XRRA1: variants seen among roughly 807,000 people sequenced by gnomAD.
XRRA1 encodes X-ray radiation resistance associated 1, also known as X-ray radiation resistance-associated protein 1.
XRRA1 carries 69 observed loss-of-function variants against 80.2 expected under a neutral mutation model. That is an observed-to-expected ratio of 0.86 (90% CI 0.71 to 1.05). The LOEUF (loss-of-function observed/expected upper bound fraction) is 1.05, where lower values mean the gene tolerates loss of function less well. Ranked by LOEUF, XRRA1 falls within the 50% of genes least tolerant of loss-of-function variation. XRRA1 has a pLI of 0.00. For missense variants in XRRA1, 967 were observed against 976.4 expected (o/e 0.99, Z 0.13); for synonymous variants, 348 against 389.9 (o/e 0.89, Z 1.27).
rs1363351451 is a variant in XRRA1, at chr11:74,921,360, G to A, written c.523-13C>T. 1 of 1,613,798 alleles carries A rather than the reference G, an allele frequency of 6.2e-7. No individual in the cohort carries two copies. ...AAAGGTCCAAGAACTGCCATGCAAA[G>A]ATGAAAGATGGGGAAGGTAAGCACT... is the stretch of plus-strand genomic sequence containing the variant. On this transcript the variant is annotated splice_polypyrimidine_tract_variant and intron_variant, in intron 7 of 18. Coordinates refer to ENST00000684022, the MANE Select transcript of XRRA1 (RefSeq NM_001378157.1).
chr11:74,852,636 TTAAGAGAGACC>T (rs892589614), intron 12 of XRRA1, among the ~76,000 whole-genome samples: 10 of 152,244 alleles, frequency 6.6e-5, no homozygotes, highest in Non-Finnish European at 1.0e-4. Context: ...AGAGCCAGTG[TTAAGAGAGACC>T]TCATGGCTGT....
At chr11:74,898,615 T>C (rs1013658571) in intron 10 of XRRA1, among the ~76,000 whole-genome samples, 2 of 152,056 alleles carry the variant, frequency 1.3e-5, no homozygotes, top group African/African-American at 2.4e-5. Flanking sequence ...GCTATACTTA[T>C]ATCAGACAAA....
chr11:74,847,108 CTCT>C (rs1428442144), intron 15 of XRRA1, among the ~76,000 whole-genome samples: 1 of 152,140 alleles, frequency 6.6e-6, no homozygotes, highest in African/African-American at 2.4e-5. Flanking sequence ...TTTCATCTAA[CTCT>C]CTCAAATTGT....
intron 11 of XRRA1, among the ~76,000 whole-genome samples, chr11:74,862,664 C>CT (rs1224447147): frequency 6.6e-6 from 1 of 152,182 alleles, no homozygotes; most frequent in Non-Finnish European, 1.5e-5. Flanking sequence ...AATTTTATCA[C>CT]TTGAGGCAGC....
chr11:74,904,312 G>A (rs1203229456), intron 10 of XRRA1, among the ~76,000 whole-genome samples: 1 of 152,032 alleles, frequency 6.6e-6, no homozygotes, highest in Non-Finnish European at 1.5e-5. Context: ...TGAATTAAAA[G>A]TTTTAGGGTA....
intron 14 of XRRA1, 39 bp downstream of exon 14, chr11:74,851,049 C>T (rs772467108): frequency 1.3e-6 from 2 of 1,550,926 alleles, no homozygotes; most frequent in South Asian, 2.3e-5. Flanking sequence ...ATAGGCTGCA[C>T]TCTTCCTGGG....
At chr11:74,877,501 G>A (rs898517151) in intron 10 of XRRA1, among the ~76,000 whole-genome samples, 34 of 151,442 alleles carry the variant, frequency 2.2e-4, no homozygotes, top group Non-Finnish European at 3.7e-4. Flanking sequence ...TAGGGTACAT[G>A]TGCACATTGT....
chr11:74,899,113 G>A (rs976490586), intron 10 of XRRA1, among the ~76,000 whole-genome samples: 2 of 152,150 alleles, frequency 1.3e-5, no homozygotes, highest in African/African-American at 4.8e-5. Flanking sequence ...GAGGAATTTT[G>A]GAAACTATAC....
intron 10 of XRRA1, among the ~76,000 whole-genome samples, chr11:74,895,025 A>G (rs973580360): frequency 1.3e-5 from 2 of 152,174 alleles, no homozygotes; most frequent in African/African-American, 4.8e-5. Context: ...AGCCTACACC[A>G]TTTGTCCCCC....
At chr11:74,889,000 ACTTCC>A (rs1362214552) in intron 10 of XRRA1, among the ~76,000 whole-genome samples, 1 of 152,252 alleles carries the variant, frequency 6.6e-6, no homozygotes, top group Non-Finnish European at 1.5e-5. Context: ...ATCCAGGAGA[ACTTCC>A]CCAACCTAGC....
chr11:74,858,361 G>C (rs192378719), intron 12 of XRRA1, among the ~76,000 whole-genome samples: 4 of 152,312 alleles, frequency 2.6e-5, no homozygotes, highest in Admixed American at 2.6e-4. Flanking sequence ...GAATGAAGCC[G>C]ATGCCTGTCT....
chr11:74,845,068 C>G lies in XRRA1; in HGVS notation c.1927+5G>C, dbSNP rs372006870. ...GCCCTAGAGCAAGGATATGCCCTCA[C>G]ATACCCTTTGGCTCAATGAAGGCTG... On this transcript the variant is annotated splice_donor_5th_base_variant and intron_variant, in intron 16 of 18. Coordinates refer to ENST00000684022, the MANE Select transcript of XRRA1 (RefSeq NM_001378157.1). 27 of 1,612,868 alleles carry G rather than the reference C, an allele frequency of 1.7e-5. No homozygotes were observed. The highest frequency in any genetic ancestry group is 2.3e-5 in the Non-Finnish European group (27 of 1,179,810).
chr11:74,937,558 G>T (rs1978879), intron 3 of XRRA1, among the ~76,000 whole-genome samples: 4,420 of 151,536 alleles, frequency 0.029, 97 homozygotes, highest in Non-Finnish European at 0.045. Context: ...ATACAGAAAA[G>T]ATGGTGTTAG....
At chr11:74,897,706 T>TA (rs61193896) in intron 10 of XRRA1, among the ~76,000 whole-genome samples, 4,037 of 84,178 alleles carry the variant, frequency 0.048, 113 homozygotes, top group African/African-American at 0.14. Flanking sequence ...TTTAAACTGC[T>TA]AAAAAAAAAA....
intron 12 of XRRA1, among the ~76,000 whole-genome samples, chr11:74,856,674 C>T (rs1278892664): frequency 1.3e-5 from 2 of 152,216 alleles, no homozygotes; most frequent in Non-Finnish European, 2.9e-5. Flanking sequence ...CCAGGGAGTT[C>T]ACACTCACTA....
chr11:74,917,344 G>A (rs1399301431), intron 8 of XRRA1, among the ~76,000 whole-genome samples: 2 of 152,154 alleles, frequency 1.3e-5, no homozygotes, highest in African/African-American at 4.8e-5. Flanking sequence ...AGCTGTAATT[G>A]ACTGAAATTA....
intron 10 of XRRA1, among the ~76,000 whole-genome samples, chr11:74,893,306 A>G (rs949996566): frequency 6.6e-6 from 1 of 152,056 alleles, no homozygotes; most frequent in Non-Finnish European, 1.5e-5. Context: ...TATCTCAAGG[A>G]CAGAAAACCA....
chr11:74,853,993 G>A (rs143210452), intron 12 of XRRA1, among the ~76,000 whole-genome samples: 1 of 152,082 alleles, frequency 6.6e-6, no homozygotes, highest in African/African-American at 2.4e-5. Context: ...ATACTGGGGG[G>A]GCGGAGGATG....
At chr11:74,935,523 G>C (rs115917022) in intron 4 of XRRA1, among the ~76,000 whole-genome samples, 3,744 of 152,344 alleles carry the variant, frequency 0.025, 163 homozygotes, top group African/African-American at 0.085. Context: ...TGAGAAGACA[G>C]ATTTGACAAC....
Sources: gnomAD v4.1 joint callset for allele counts (sites outside exome capture counted in the v4.1 genomes callset) on GRCh38, gnomAD v4.1.1 for gene constraint, MANE v1.5 for transcripts, NCBI Gene and HGNC (gene_info 2026-07-23, HGNC 2026-07-21) for gene names.